MARVELD3: variants seen among roughly 807,000 people sequenced by gnomAD.
MARVELD3 encodes the protein MARVEL domain-containing protein 3.
MARVELD3 carries 28 observed loss-of-function variants against 33.5 expected under a neutral mutation model. The ratio of observed to expected loss-of-function variants is 0.84; its 90% CI spans 0.62 to 1.15. MARVELD3 has a LOEUF of 1.15. Among genes scored for constraint, MARVELD3 ranks in the 50% most tolerant of loss-of-function variants. The probability of loss-of-function intolerance (pLI) is 0.00; values close to 1 mark genes in which losing one functional copy is unlikely to be tolerated. For missense variants in MARVELD3, 582 were observed against 547.6 expected (o/e 1.06, Z -0.63); for synonymous variants, 241 against 230.4 (o/e 1.05, Z -0.42).
In MARVELD3 at chr16:71,626,664, G is replaced by A; in HGVS notation, c.435G>A (p.Arg145=). The A allele has an allele frequency of 6.6e-7, 1 of 1,524,260 alleles. No individual in the cohort carries two copies. Among genetic ancestry groups the A allele is most frequent in the Non-Finnish European group, 8.8e-7 (1 of 1,139,866 alleles). 94.4% of individuals were successfully genotyped at this position (1,524,260 alleles called of 1,614,324 possible). The part of the protein sequence containing the change: ...WEAPEPPQPQ[R]KGDPGRRRPE... ...CCCCGGAGCCGCCGCAGCCGCAGAGGAAGGGAGACCCCGGGCGCCGCAGAC... is the reference window on the plus strand; with the variant it reads ...CCCCGGAGCCGCCGCAGCCGCAGAGAAAGGGAGACCCCGGGCGCCGCAGAC... The change falls in exon 1 of 3, where the codon AGG becomes AGA. Residue 145 remains arginine, a synonymous_variant. Coordinates refer to ENST00000268485, the MANE Select transcript of MARVELD3 (RefSeq NM_052858.6). The surrounding 1 kb of genome is among the most constrained non-coding windows in gnomAD (Gnocchi z 5.3).
At position 71,635,351 on chromosome 16, in the gene MARVELD3, A is replaced by G. The variant is rs996265505; in HGVS notation, c.*548A>G. ...CTCAAAAAAAAAAAAAAGCAAAAAA[A>G]CTGGACCCCAAGAGCCACAAGGAAA... On this transcript the variant is annotated 3_prime_UTR_variant, in exon 3 of 3. Coordinates refer to ENST00000268485, the MANE Select transcript of MARVELD3 (RefSeq NM_052858.6). 4 of 985,656 alleles carry G rather than the reference A, an allele frequency of 4.1e-6. No individual in the cohort carries two copies. The highest frequency in any genetic ancestry group is 4.8e-6 in the Non-Finnish European group (4 of 830,444). 61.1% of individuals were successfully genotyped at this position (985,656 alleles called of 1,614,324 possible). A position where few individuals can be genotyped will look rare whatever the true frequency, so the allele number is the denominator to read the frequency against.
chr16:71,641,164 G>A (rs2044616789), downstream of MARVELD3: 1 of 1,145,858 alleles, frequency 8.7e-7, no homozygotes, highest in East Asian at 2.6e-5. Flanking sequence ...CAAAGTTAAA[G>A]AATTGAGGAC....
At chr16:71,640,866 G>T (rs751701787), downstream of MARVELD3, 10 of 1,614,044 alleles carry the variant, frequency 6.2e-6, no homozygotes, top group Non-Finnish European at 8.5e-6. Context: ...AGGCACCGAC[G>T]GAGCAGCAGC....
chr16:71,632,120 C>T (rs1257271027), intron 2 of MARVELD3, among the ~76,000 whole-genome samples: 1 of 152,202 alleles, frequency 6.6e-6, no homozygotes, highest in Non-Finnish European at 1.5e-5. Flanking sequence ...AGTTTCTAAC[C>T]TTCTTTCCTT....
chr16:71,630,485 G>A (rs909289655), intron 2 of MARVELD3, among the ~76,000 whole-genome samples: 2 of 151,628 alleles, frequency 1.3e-5, no homozygotes, highest in Admixed American at 6.6e-5. Context: ...ATTAGCCGGG[G>A]TGGTGGCTCA....
In MARVELD3 at chr16:71,626,313, C is replaced by T; in HGVS notation, c.84C>T (p.Gly28=). The change falls in exon 1 of 3, where the codon GGC becomes GGT. Residue 28 remains glycine (G), a synonymous_variant. Coordinates refer to ENST00000268485, the MANE Select transcript of MARVELD3 (RefSeq NM_052858.6). This position sits in a 1 kb window ranked among gnomAD's most constrained non-coding sequence, Gnocchi z 5.3. ...DPGRRPHPDQ[G]RTHDRPRDRP... ...GACGGCGCCCCCACCCAGACCAAGG[C>T]CGCACCCACGATCGACCGCGGGACC... 1 of 1,548,342 alleles carries T rather than the reference C, an allele frequency of 6.5e-7. No homozygotes were observed. Among genetic ancestry groups the T allele is most frequent in the African/African-American group, 1.4e-5 (1 of 73,094 alleles).
In MARVELD3 at chr16:71,629,441, A is replaced by G; in HGVS notation, c.542A>G (p.Glu181Gly). The G allele has an allele frequency of 6.3e-7, 1 of 1,581,018 alleles. No homozygotes were observed. Among genetic ancestry groups the G allele is most frequent in the Non-Finnish European group, 8.6e-7 (1 of 1,167,070 alleles). ...GREEVEYYQS[E>G]AEGLLECHKC... is the part of the protein sequence containing the mutation. ...GAGGAGGTGGAATATTACCAGTCAG[A>G]GGCGGAAGGACTCCTGGAATGCCAC... The change falls in exon 2 of 3, where the codon GAG becomes GGG. Residue 181 changes from glutamate to glycine, a missense_variant. Glu to Gly is a moderately conservative substitution (Grantham distance 98). Transcript: ENST00000268485.
chr16:71,639,821 A>T (rs996450943), downstream of MARVELD3, among the ~76,000 whole-genome samples: 1 of 152,144 alleles, frequency 6.6e-6, no homozygotes, highest in African/African-American at 2.4e-5. Context: ...AACCAGAGTC[A>T]CCCACTGAAG....
chr16:71,628,120 G>A (rs976463265), intron 1 of MARVELD3, among the ~76,000 whole-genome samples: 2 of 152,220 alleles, frequency 1.3e-5, no homozygotes, highest in African/African-American at 2.4e-5. Flanking sequence ...CAAAGGGTGC[G>A]CCCAGATACA....
intron 1 of MARVELD3, among the ~76,000 whole-genome samples, chr16:71,628,017 G>A (rs1477119525): frequency 6.6e-6 from 1 of 152,220 alleles, no homozygotes; most frequent in Non-Finnish European, 1.5e-5. Flanking sequence ...GGGACTTGGA[G>A]GCTGAGTCCA....
At chr16:71,629,267 C>G (rs909203253) in intron 1 of MARVELD3, 100 bp from the exon 2 acceptor site, 10 of 1,277,782 alleles carry the variant, frequency 7.8e-6, no homozygotes, top group Non-Finnish European at 1.1e-5. Flanking sequence ...TATTTCTGTT[C>G]TGCTAATATT....
In MARVELD3 at chr16:71,634,626, G is replaced by A. The variant is rs758440353; in HGVS notation, c.1029G>A (p.Leu343=). ...CTGTGTGTAAAGAGAGGCAGGCGCT[G>A]TACCAAAGCAAAGGCTACAGCGGTT... ...GSPVCKERQA[L]YQSKGYSGFG... Residue 343 remains leucine, a synonymous_variant, in exon 3 of 3, where the codon CTG becomes CTA. Transcript: ENST00000268485. 6 of 1,614,054 alleles carry A rather than the reference G, an allele frequency of 3.7e-6. No homozygotes were observed. Among genetic ancestry groups the A allele is most frequent in the South Asian group, 1.1e-5 (1 of 91,088 alleles).
rs1324906902 is a variant in MARVELD3 at position 71,626,577 on chromosome 16, G to T, written c.348G>T (p.Arg116=). 6.5e-7 allele frequency: 1 copy of T among 1,546,566 alleles called. No individual in the cohort carries two copies. Among genetic ancestry groups the T allele is most frequent in the South Asian group, 1.2e-5 (1 of 84,034 alleles). Residue 116 remains arginine, a synonymous_variant, in exon 1 of 3, where the codon CGG becomes CGT. Coordinates refer to ENST00000268485, the MANE Select transcript of MARVELD3 (RefSeq NM_052858.6). The surrounding 1 kb of genome is among the most constrained non-coding windows in gnomAD (Gnocchi z 5.3). ...VWEKPRQSRT[R]DGARGLTWDA... ...AAAAACCGCGCCAAAGCCGGACGCG[G>T]GACGGAGCCCGGGGACTGACCTGGG...
Position 71,632,358 on chromosome 16 carries a change from C to T in MARVELD3, c.596-1835C>T, listed in dbSNP as rs370731909. Among the ~76,000 whole-genome samples the T allele has an allele frequency of 1.3e-3, 200 of 152,226 alleles. 1 individual carries two copies. The highest frequency in any genetic ancestry group is 4.4e-3 in the African/African-American group (184 of 41,540). ...TTGCATATAAGTTATATTTCACTAA[C>T]GTTGATTTTAAGGAAAGCAGCCAGT... is the stretch of plus-strand genomic sequence containing the variant. On this transcript the variant is annotated intron_variant, in intron 2 of 2. Transcript: ENST00000268485.
rs1287834407 is a variant in MARVELD3 at position 71,634,991 on chromosome 16, G to C, written c.*188G>C. 7.3e-7 allele frequency: 1 copy of C among 1,378,114 alleles called. No individual in the cohort carries two copies. Among genetic ancestry groups the C allele is most frequent in the Non-Finnish European group, 9.4e-7 (1 of 1,067,390 alleles). 85.4% of individuals were successfully genotyped at this position (1,378,114 alleles called of 1,614,324 possible). A position where few individuals can be genotyped will look rare whatever the true frequency, so the allele number is the denominator to read the frequency against. ...TGGATGCAACAGACCCTGGCTTCTG[G>C]AGTCCTCTGTGAGTGAGGGACCAAT... On this transcript the variant is annotated 3_prime_UTR_variant, in exon 3 of 3. Transcript: ENST00000268485.
At chr16:71,629,640 C>CT (rs2044509011) in intron 2 of MARVELD3, 146 bp downstream of exon 2, 3 of 262,874 alleles carry the variant, frequency 1.1e-5, no homozygotes, top group Admixed American at 1.1e-4. Context: ...TTCTTGTTTT[C>CT]TTAAAAAAAA....
chr16:71,631,314 A>G (rs1467844457), intron 2 of MARVELD3, among the ~76,000 whole-genome samples: 1 of 152,198 alleles, frequency 6.6e-6, no homozygotes, highest in African/African-American at 2.4e-5. Flanking sequence ...AGTTATGAAG[A>G]TACAAATAAA....
In MARVELD3 at chr16:71,635,024, A is replaced by C. The variant is rs2044570191; in HGVS notation, c.*221A>C. 2 of 1,247,732 alleles carry C rather than the reference A, an allele frequency of 1.6e-6. No individual in the cohort carries two copies. The highest frequency in any genetic ancestry group is 1.5e-5 in the African/African-American group (1 of 66,234). 77.3% of individuals were successfully genotyped at this position (1,247,732 alleles called of 1,614,324 possible). On this transcript the variant is annotated 3_prime_UTR_variant, in exon 3 of 3. Coordinates refer to ENST00000268485, the MANE Select transcript of MARVELD3 (RefSeq NM_052858.6). ...TGTGAGTGAGGGACCAATCAAAATT[A>C]TTTTTCAAAAAGCAAAAAAATGGCC...
At position 71,626,206 on chromosome 16, in the gene MARVELD3, C is replaced by A. The variant is rs777220764; in HGVS notation, c.-24C>A. On this transcript the variant is annotated 5_prime_UTR_variant, in exon 1 of 3. Transcript: ENST00000268485. This position sits in a 1 kb window ranked among gnomAD's most constrained non-coding sequence, Gnocchi z 5.3. ...TTGGTTGTTGCCCTCAGGTCGCTCCCGGGCGGGGACACGGAACCCGGCCAT... is the reference window on the plus strand; with the variant it reads ...TTGGTTGTTGCCCTCAGGTCGCTCCAGGGCGGGGACACGGAACCCGGCCAT... 6.9e-7 allele frequency: 1 copy of A among 1,447,124 alleles called. No homozygotes were observed. The highest frequency in any genetic ancestry group is 9.1e-7 in the Non-Finnish European group (1 of 1,102,522). The allele number at this position is 1,447,124 out of a possible 1,614,324, so 89.6% of individuals were successfully genotyped here.
Sources: allele counts gnomAD v4.1 joint callset (sites outside exome capture counted in the v4.1 genomes callset), GRCh38; gene constraint gnomAD v4.1.1; non-coding constraint Gnocchi (gnomAD v3.1); transcripts MANE v1.5; gene names NCBI Gene and HGNC (gene_info 2026-07-23, HGNC 2026-07-21).